Variants in RNF19A observed in about 807,000 individuals in gnomAD.
RNF19A encodes the protein ring finger protein 19A, RBR E3 ubiquitin protein ligase.
Under a neutral mutation model 75.7 loss-of-function variants are expected in RNF19A, and 32 were observed. The observed-to-expected ratio is 0.42, with a 90% CI of 0.32 to 0.57. The LOEUF (loss-of-function observed/expected upper bound fraction) is 0.57. Among genes scored for constraint, RNF19A ranks in the 20% least tolerant of loss-of-function variants. The pLI is 0.10. For missense variants in RNF19A, 782 were observed against 1,036.3 expected (o/e 0.75, Z 3.37); for synonymous variants, 335 against 345.2 (o/e 0.97, Z 0.33).
Position 100,269,010 on chromosome 8 carries a change from C to A in RNF19A, c.1029-63G>T, listed in dbSNP as rs7014862. 846,950 of 1,311,838 alleles carry A rather than the reference C, an allele frequency of 0.65. 278,327 individuals are homozygous for A. The highest frequency in any genetic ancestry group is 0.91 in the African/African-American group (60,509 of 66,530). The allele number at this position is 1,311,838 out of a possible 1,614,324, so 81.3% of individuals were successfully genotyped here. On this transcript the variant is annotated intron_variant, in intron 4 of 9. Transcript: ENST00000341084. The surrounding 1 kb of genome is among the most constrained non-coding windows in gnomAD (Gnocchi z 5.7). ...AACACCACAATAACAAATTAGTGCA[C>A]TATATTAAAACAATGACTATTTTTA... is the stretch of plus-strand genomic sequence containing the variant.
In RNF19A at chr8:100,264,756, A is replaced by G; in HGVS notation, c.1221T>C (p.Val407=). ...KIHNRYEGKD[V]SKHKRNLAIA... ...TGGCCAAATTCCGTTTGTGCTTTGA[A>G]ACATCCTTGCCTTCATAGCGATTGT... Residue 407 remains valine, a synonymous_variant, in exon 6 of 10, where the codon GTT becomes GTC. Transcript: ENST00000341084. This position sits in a 1 kb window ranked among gnomAD's most constrained non-coding sequence, Gnocchi z 4.7. The G allele has an allele frequency of 6.2e-7, 1 of 1,613,650 alleles. No individual in the cohort carries two copies. The highest frequency in any genetic ancestry group is 8.5e-7 in the Non-Finnish European group (1 of 1,179,616).
chr8:100,328,533 A>C (rs1241591085), intron 1 of RNF19A, among the ~76,000 whole-genome samples: 3 of 151,638 alleles, frequency 2.0e-5, no homozygotes, highest in African/African-American at 7.3e-5. Flanking sequence ...GTGCAGTGGC[A>C]CAATCTCGGC....
chr8:100,330,355 A>C lies in RNF19A; in HGVS notation c.-243+5753T>G, dbSNP rs1304843007. 6.6e-6 allele frequency among the ~76,000 whole-genome samples: 1 copy of C among 152,150 alleles called. No homozygotes were observed. The highest frequency in any genetic ancestry group is 1.5e-5 in the Non-Finnish European group (1 of 68,032). ...AAACAGCATCCTGATTTATTTGGAG[A>C]CCCATCCCTCCCTCATTCTTGGTTC... On this transcript the variant is annotated intron_variant, in intron 1 of 3. Coordinates refer to the RNF19A transcript ENST00000519527. This position sits in a 1 kb window ranked among gnomAD's most constrained non-coding sequence, Gnocchi z 4.1.
At chr8:100,306,602 G>T (rs1199578530) in intron 1 of RNF19A, among the ~76,000 whole-genome samples, 2 of 152,134 alleles carry the variant, frequency 1.3e-5, no homozygotes, top group Non-Finnish European at 2.9e-5. Flanking sequence ...GATATAGAAA[G>T]TATCACTGAC....
chr8:100,304,467 G>A (rs1205891968), intron 1 of RNF19A, among the ~76,000 whole-genome samples: 1 of 151,866 alleles, frequency 6.6e-6, no homozygotes, highest in African/African-American at 2.4e-5. Context: ...CCCCACTTAC[G>A]CACTCACACT....
In RNF19A at chr8:100,284,126, A is replaced by G. The variant is rs1820909128; in HGVS notation, c.674+3375T>C. ...TTTGGAAATACAGATGAAGAATAAT[A>G]AGTAAGAGCAATGACAAGCTTACTG... On this transcript the variant is annotated intron_variant, in intron 2 of 9. Transcript: ENST00000341084. The surrounding 1 kb of genome is among the most constrained non-coding windows in gnomAD (Gnocchi z 4.3). 6.6e-6 allele frequency among the ~76,000 whole-genome samples: 1 copy of G among 152,174 alleles called. No homozygotes were observed.
upstream of RNF19A, among the ~76,000 whole-genome samples, chr8:100,312,692 G>A (rs1012911245): frequency 4.6e-5 from 7 of 152,310 alleles, no homozygotes; most frequent in South Asian, 6.2e-4. Context: ...GGGAGGCTTA[G>A]GTGAGTGGAT....
At chr8:100,265,977 A>G (rs1245028271) in intron 5 of RNF19A, among the ~76,000 whole-genome samples, 1 of 152,204 alleles carries the variant, frequency 6.6e-6, no homozygotes, top group Non-Finnish European at 1.5e-5. Context: ...TGGGAAACTT[A>G]GCACTGAAGA....
rs957030248 is a variant in RNF19A, at chr8:100,287,412, T to C, written c.674+89A>G. Reference sequence around the variant, plus strand: ...TGTCTGTTGAATGAATTCTCCAGCATGTAAAAATTTTTCTTTTGAGTAATA... The same window carrying C: ...TGTCTGTTGAATGAATTCTCCAGCACGTAAAAATTTTTCTTTTGAGTAATA... On this transcript the variant is annotated intron_variant, in intron 2 of 9. Transcript: ENST00000341084. This position sits in a 1 kb window ranked among gnomAD's most constrained non-coding sequence, Gnocchi z 4.1. The C allele has an allele frequency of 5.8e-6, 7 of 1,199,864 alleles. No individual in the cohort carries two copies. The East Asian group carries it at 1.4e-4, about 25-fold the overall frequency. The allele number at this position is 1,199,864 out of a possible 1,614,324, so 74.3% of individuals were successfully genotyped here.
In RNF19A at chr8:100,269,778, G is replaced by A; in HGVS notation, c.1028+91C>T. ...ACTAGAATAAAACCAATCCCTTTAA[G>A]TATCTTATAAAACCCAAATTTAAGA... On this transcript the variant is annotated intron_variant, in intron 4 of 9. Coordinates refer to ENST00000341084, the MANE Select transcript of RNF19A (RefSeq NM_183419.4). The surrounding 1 kb of genome is among the most constrained non-coding windows in gnomAD (Gnocchi z 5.7). The A allele has an allele frequency of 1.1e-6, 1 of 890,466 alleles. No individual in the cohort carries two copies. Among genetic ancestry groups the A allele is most frequent in the East Asian group, 3.1e-5 (1 of 31,792 alleles). 55.2% of individuals were successfully genotyped at this position (890,466 alleles called of 1,614,324 possible).
At chr8:100,295,214 T>C (rs1821497845) in intron 1 of RNF19A, among the ~76,000 whole-genome samples, 1 of 152,262 alleles carries the variant, frequency 6.6e-6, no homozygotes, top group African/African-American at 2.4e-5. Context: ...AAAAAATTGA[T>C]TTTTATTTGG....
At chr8:100,291,512 A>T (rs1378264061) in intron 1 of RNF19A, among the ~76,000 whole-genome samples, 1 of 152,218 alleles carries the variant, frequency 6.6e-6, no homozygotes, top group African/African-American at 2.4e-5. Flanking sequence ...AACTTCAAGA[A>T]TTATACATTT....
In RNF19A at chr8:100,259,949, T is replaced by C. The variant is rs771205027; in HGVS notation, c.1731A>G (p.Gly577=). 1 of 1,613,930 alleles carries C rather than the reference T, an allele frequency of 6.2e-7. No homozygotes were observed. Among genetic ancestry groups the C allele is most frequent in the African/African-American group, 1.3e-5 (1 of 74,926 alleles). The change falls in exon 9 of 10, where the codon GGA becomes GGG. Residue 577 remains glycine (G), a synonymous_variant. Coordinates refer to ENST00000341084, the MANE Select transcript of RNF19A (RefSeq NM_183419.4). The surrounding 1 kb of genome is among the most constrained non-coding windows in gnomAD (Gnocchi z 4.5). ...TTCCCAAGCTGACTGTGCCAGATTC[T>C]CCACTTAGACTGTACCGTTCTTTCT... ...DVQKERYSLS[G]ESGTVSLGTV...
At chr8:100,272,911 G>C (rs1366169715) in intron 3 of RNF19A, among the ~76,000 whole-genome samples, 1 of 151,722 alleles carries the variant, frequency 6.6e-6, no homozygotes, top group African/African-American at 2.4e-5. Context: ...TGTCACCCAG[G>C]CTGGAGTGCA....
At chr8:100,263,258 T>C (rs1459477367) in intron 7 of RNF19A, among the ~76,000 whole-genome samples, 1 of 152,002 alleles carries the variant, frequency 6.6e-6, no homozygotes, top group Non-Finnish European at 1.5e-5. Context: ...GGCCAGGAAA[T>C]ATGGTAAGAA....
In RNF19A at chr8:100,317,882, T is replaced by C. The variant is rs1316042475; in HGVS notation, c.-242-4510A>G. Reference sequence around the variant, plus strand: ...ACAGTACCCTCTTTCATTCTCAAAGTGTCCTGAGTTAGACAATAAATTACA... The same window carrying C: ...ACAGTACCCTCTTTCATTCTCAAAGCGTCCTGAGTTAGACAATAAATTACA... On this transcript the variant is annotated intron_variant, in intron 1 of 3. Transcript: ENST00000519527. The surrounding 1 kb of genome is among the most constrained non-coding windows in gnomAD (Gnocchi z 4.3). Among the ~76,000 whole-genome samples the C allele has an allele frequency of 6.6e-6, 1 of 152,200 alleles. No homozygotes were observed. Among genetic ancestry groups the C allele is most frequent in the African/African-American group, 2.4e-5 (1 of 41,432 alleles).
rs1820139592 is a variant in RNF19A at position 100,269,244 on chromosome 8, C to A, written c.1029-297G>T. 6.6e-6 allele frequency among the ~76,000 whole-genome samples: 1 copy of A among 151,518 alleles called. No homozygotes were observed. The highest frequency in any genetic ancestry group is 6.6e-5 in the Admixed American group (1 of 15,222). ...CCCTAGTCTTCCATTACCCTCATAC[C>A]CTTAAGTCAGTTTAATAGTAAATTA... On this transcript the variant is annotated intron_variant, in intron 4 of 9. Transcript: ENST00000341084. This position sits in a 1 kb window ranked among gnomAD's most constrained non-coding sequence, Gnocchi z 5.7.
At chr8:100,309,317 C>T (rs764550613) in intron 1 of RNF19A, 5 of 985,656 alleles carry the variant, frequency 5.1e-6, no homozygotes, top group Non-Finnish European at 6.0e-6. Flanking sequence ...AACACAGCTC[C>T]CCTCCCTAAG....
rs1175043705 is a variant in RNF19A, at chr8:100,324,857, CCTTT to C, written c.-243+11247_-243+11250del. ...CTTCTTCCTCCCTCCCTCCCTCCTT[CCTTT>C]CTCTCTTTCTCTTTTTTTTCTTTCT... On this transcript the variant is annotated intron_variant, in intron 1 of 3. Coordinates refer to the RNF19A transcript ENST00000519527. This position sits in a 1 kb window ranked among gnomAD's most constrained non-coding sequence, Gnocchi z 4.2. Among the ~76,000 whole-genome samples, 2 of 150,590 alleles carry C rather than the reference CCTTT, an allele frequency of 1.3e-5. No homozygotes were observed. The highest frequency in any genetic ancestry group is 6.6e-5 in the Admixed American group (1 of 15,112).
Sources: gnomAD v4.1 joint callset for allele counts (sites outside exome capture counted in the v4.1 genomes callset) on GRCh38, gnomAD v4.1.1 for gene constraint, Gnocchi (gnomAD v3.1) non-coding constraint, MANE v1.5 for transcripts, NCBI Gene and HGNC (gene_info 2026-07-23, HGNC 2026-07-21) for gene names.